The following DCAF8 variants were observed in gnomAD, a reference collection of about 807,000 sequenced individuals.
The protein encoded by DCAF8 is DDB1- and CUL4-associated factor 8.
Under a neutral mutation model 68.0 loss-of-function variants are expected in DCAF8, and 20 were observed. The observed-to-expected ratio is 0.29, with a 90% CI of 0.21 to 0.43. DCAF8 has a LOEUF of 0.43. Ranked by LOEUF, DCAF8 falls within the 20% of genes least tolerant of loss-of-function variation. DCAF8 has a pLI of 1.00. For missense variants in DCAF8, 460 were observed against 771.0 expected, an observed-to-expected ratio of 0.60 and a Z score of 4.78; for synonymous variants, 230 against 276.9, an observed-to-expected ratio of 0.83 and a Z score of 1.68.
intron 5 of DCAF8, 111 bp from the exon 6 acceptor site, chr1:160,237,340 A>T (rs1571094670): frequency 1.4e-6 from 1 of 716,932 alleles, no homozygotes; most frequent in East Asian, 2.8e-5. Context: ...CCAAAAAGAG[A>T]AATGTCTACC....
At chr1:160,225,554 G>A (rs1655446487) in intron 8 of DCAF8, 37 bp downstream of exon 8, 4 of 1,551,210 alleles carry the variant, frequency 2.6e-6, no homozygotes, top group Admixed American at 1.7e-5. Flanking sequence ...GGTTGAGTCA[G>A]GGAAGCCTGC....
chr1:160,238,882 T>C lies in DCAF8; in HGVS notation c.724-135A>G, dbSNP rs1655984415. The C allele has an allele frequency of 1.3e-5, 14 of 1,054,866 alleles. No individual in the cohort carries two copies. In the South Asian group the frequency reaches 2.5e-4, roughly 19 times the overall value. The allele number at this position is 1,054,866 out of a possible 1,614,324, so 65.3% of individuals were successfully genotyped here. A position where few individuals can be genotyped will look rare whatever the true frequency, so the allele number is the denominator to read the frequency against. ...GCTGGAAACTTAGCTTTCCTACTCT[T>C]GTACAGCTGGCTAAGCCCAATTTCT... On this transcript the variant is annotated intron_variant, in intron 4 of 13. Coordinates refer to ENST00000368074, the MANE Select transcript of DCAF8 (RefSeq NM_015726.4).
rs772868762 is a variant in DCAF8 at position 160,225,162 on chromosome 1, T to A, written c.1144-43A>T. ...TACTGACTGATGCCCCACCCCCCCA[T>A]TTGTTATACCATCTTCAGGAAACAG... On this transcript the variant is annotated intron_variant, in intron 8 of 13. Coordinates refer to ENST00000368074, the MANE Select transcript of DCAF8 (RefSeq NM_015726.4). 22 of 1,424,452 alleles carry A rather than the reference T, an allele frequency of 1.5e-5. No individual in the cohort carries two copies. The Admixed American group carries it at 3.8e-4, about 25-fold the overall frequency. The allele number at this position is 1,424,452 out of a possible 1,614,324, so 88.2% of individuals were successfully genotyped here. A position where few individuals can be genotyped will look rare whatever the true frequency, so the allele number is the denominator to read the frequency against.
At chr1:160,258,172 C>T (rs915984558) in intron 2 of DCAF8, among the ~76,000 whole-genome samples, 1 of 151,878 alleles carries the variant, frequency 6.6e-6, no homozygotes, top group Non-Finnish European at 1.5e-5. Flanking sequence ...TATGGTGAAA[C>T]CTCATCTTTA....
intron 8 of DCAF8, 106 bp from the exon 9 acceptor site, chr1:160,225,225 T>C: frequency 1.9e-6 from 2 of 1,072,476 alleles, no homozygotes; most frequent in Non-Finnish European, 2.7e-6. Flanking sequence ...CTCCCAGAGA[T>C]TTGAGAAAGA....
rs1326574978 is a variant in DCAF8, at chr1:160,239,945, G to A, written c.475C>T (p.Arg159Trp). Residue 159 changes from arginine (R) to tryptophan (W), a missense_variant, in exon 4 of 14, where the codon CGG becomes TGG. Transcript: ENST00000368074. ...GCACTTGAACCCAGCTCCCGCTCCC[G>A]AAGGGCAGGGAGGGCTTGCCAGCGA... ...RPRWQALPAL[R>W]ERELGSSARF... 6 of 1,614,202 alleles carry A rather than the reference G, an allele frequency of 3.7e-6. No homozygotes were observed. The highest frequency in any genetic ancestry group is 2.2e-5 in the East Asian group (1 of 44,886).
intron 2 of DCAF8, among the ~76,000 whole-genome samples, chr1:160,245,576 T>C (rs916056174): frequency 6.6e-6 from 1 of 152,156 alleles, no homozygotes; most frequent in African/African-American, 2.4e-5. Context: ...ACTGCAAGAC[T>C]GGGGCTGAAG....
At chr1:160,249,075 A>T (rs1656474218) in intron 2 of DCAF8, among the ~76,000 whole-genome samples, 1 of 152,052 alleles carries the variant, frequency 6.6e-6, no homozygotes, top group Non-Finnish European at 1.5e-5. Flanking sequence ...CTGTAGTCCC[A>T]GCTACTGGAG....
At chr1:160,252,876 G>A (rs546505097) in intron 2 of DCAF8, among the ~76,000 whole-genome samples, 3 of 152,152 alleles carry the variant, frequency 2.0e-5, no homozygotes, top group Non-Finnish European at 4.4e-5. Flanking sequence ...CAGGTGGGAT[G>A]AGAAATTATT....
At chr1:160,256,155 G>A (rs56238993) in intron 2 of DCAF8, among the ~76,000 whole-genome samples, 1 of 151,164 alleles carries the variant, frequency 6.6e-6, no homozygotes, top group Non-Finnish European at 1.5e-5. Context: ...ACCTGGCTAA[G>A]AGAACTTTCT....
intron 1 of DCAF8, chr1:160,261,875 A>G (rs1657107812): frequency 6.5e-6 from 1 of 154,320 alleles, no homozygotes; most frequent in Non-Finnish European, 1.4e-5. Context: ...CAAGACCACA[A>G]GACAACAACC....
intron 6 of DCAF8, among the ~76,000 whole-genome samples, chr1:160,234,623 A>G (rs1396855551): frequency 2.6e-5 from 4 of 152,218 alleles, no homozygotes; most frequent in Non-Finnish European, 4.4e-5. Flanking sequence ...TCTGTTTCAC[A>G]ACTCTTTAAC....
intron 5 of DCAF8, among the ~76,000 whole-genome samples, chr1:160,238,035 G>T (rs1021915637): frequency 6.6e-6 from 1 of 152,096 alleles, no homozygotes; most frequent in African/African-American, 2.4e-5. Flanking sequence ...GATACTCCAG[G>T]TCCACCTATA....
At chr1:160,226,927 G>A (rs758860781) in intron 7 of DCAF8, among the ~76,000 whole-genome samples, 1 of 152,136 alleles carries the variant, frequency 6.6e-6, no homozygotes, top group Non-Finnish European at 1.5e-5. Context: ...TCATATATCC[G>A]TGTGAAAGGT....
chr1:160,239,418 A>C (rs1656012618), intron 4 of DCAF8: 2 of 1,423,414 alleles, frequency 1.4e-6, no homozygotes, highest in South Asian at 3.1e-5. Context: ...AGTTTGGTTC[A>C]AGAGCCTGTG....
chr1:160,225,513 AC>A (rs142744523), intron 8 of DCAF8, 77 bp downstream of exon 8: 1 of 1,159,810 alleles, frequency 8.6e-7, no homozygotes, highest in African/African-American at 1.5e-5. Context: ...AGCTCTTCCC[AC>A]CATACCAACA....
Position 160,217,676 on chromosome 1 carries a change from G to A in DCAF8, c.1710C>T (p.Asp570=), listed in dbSNP as rs749246390. 9.3e-6 allele frequency: 15 copies of A among 1,613,986 alleles called. No individual in the cohort carries two copies. Among genetic ancestry groups the A allele is most frequent in the African/African-American group, 4.0e-5 (3 of 74,928 alleles). ...RWREPGVGAT[D]ADSDESPSSS... ...AGCTGGGAGACTCATCAGAGTCCGC[G>A]TCTGTGGCCCCAACCCCAGGTTCTC... is the stretch of plus-strand genomic sequence containing the variant. Residue 570 remains aspartate (D), a synonymous_variant, in exon 14 of 14, where the codon GAC becomes GAT. Transcript: ENST00000368074.
At chr1:160,252,868 GGT>G (rs1656653607) in intron 2 of DCAF8, among the ~76,000 whole-genome samples, 1 of 152,192 alleles carries the variant, frequency 6.6e-6, no homozygotes, top group African/African-American at 2.4e-5. Flanking sequence ...GAAGCTGGCA[GGT>G]GGGATGAGAA....
intron 2 of DCAF8, among the ~76,000 whole-genome samples, chr1:160,259,293 G>A (rs1211426233): frequency 6.6e-6 from 1 of 152,164 alleles, no homozygotes; most frequent in Non-Finnish European, 1.5e-5. Context: ...CTAGCACTTT[G>A]GGAGGCTGAG....
Sources: allele counts gnomAD v4.1 joint callset (sites outside exome capture counted in the v4.1 genomes callset), GRCh38; gene constraint gnomAD v4.1.1; transcripts MANE v1.5; gene names NCBI Gene and HGNC (gene_info 2026-07-23, HGNC 2026-07-21).